Variants in IKZF1 observed in about 807,000 individuals in gnomAD.
IKZF1 encodes DNA-binding protein Ikaros.
Under a neutral mutation model 51.7 loss-of-function variants are expected in IKZF1, and 10 were observed. That is an observed-to-expected ratio of 0.19 (90% CI 0.12 to 0.33). The LOEUF is 0.33. Ranked by LOEUF, IKZF1 falls within the 10% of genes least tolerant of loss-of-function variation. IKZF1 has a pLI of 1.00. For missense variants in IKZF1, 484 were observed against 707.5 expected (o/e 0.68, Z 3.58); for synonymous variants, 280 against 282.3 (o/e 0.99, Z 0.08).
intron 1 of IKZF1, among the ~76,000 whole-genome samples, chr7:50,306,408 G>A (rs1415601122): frequency 6.6e-6 from 1 of 152,154 alleles, no homozygotes; most frequent in Non-Finnish European, 1.5e-5. Flanking sequence ...GTTTCACGGT[G>A]AGAGTTGAAG....
At chr7:50,365,679 T>G (rs1431115310) in intron 3 of IKZF1, among the ~76,000 whole-genome samples, 1 of 152,186 alleles carries the variant, frequency 6.6e-6, no homozygotes, top group Non-Finnish European at 1.5e-5. Context: ...TTATACACTG[T>G]TGAGGGGATT....
intron 6 of IKZF1, among the ~76,000 whole-genome samples, chr7:50,388,881 T>C (rs1562887207): frequency 6.6e-6 from 1 of 152,242 alleles, no homozygotes; most frequent in Non-Finnish European, 1.5e-5. Context: ...TAATGCTTAA[T>C]AAACCATTTT....
intron 7 of IKZF1, among the ~76,000 whole-genome samples, chr7:50,393,394 A>C (rs989090376): frequency 6.6e-6 from 1 of 152,158 alleles, no homozygotes; most frequent in Non-Finnish European, 1.5e-5. Context: ...GGTGAGGCCA[A>C]GGGTCCCAGA....
At chr7:50,363,475 C>T (rs1162291907) in intron 3 of IKZF1, among the ~76,000 whole-genome samples, 1 of 152,060 alleles carries the variant, frequency 6.6e-6, no homozygotes, top group African/African-American at 2.4e-5. Flanking sequence ...AAACGAGCCA[C>T]TGAGGAGTTA....
chr7:50,352,283 GTAT>G (rs1225210737), intron 3 of IKZF1, among the ~76,000 whole-genome samples: 1 of 152,182 alleles, frequency 6.6e-6, no homozygotes, highest in African/African-American at 2.4e-5. Context: ...TGCTTGGATA[GTAT>G]TATCTGTCTC....
chr7:50,393,858 G>C, intron 7 of IKZF1: 1 of 233,054 alleles, frequency 4.3e-6, no homozygotes, highest in Non-Finnish European at 8.5e-6. Flanking sequence ...TGTGCAAGGG[G>C]AGTGAAGGGT....
chr7:50,393,205 G>A (rs961046090), intron 7 of IKZF1, among the ~76,000 whole-genome samples: 2 of 152,210 alleles, frequency 1.3e-5, no homozygotes, highest in Admixed American at 6.5e-5. Context: ...CAGGGATTAG[G>A]TGAGGGAAAC....
intron 4 of IKZF1, 36 bp from the exon 5 acceptor site, chr7:50,382,504 G>A: frequency 1.3e-6 from 2 of 1,596,254 alleles, no homozygotes; most frequent in South Asian, 2.2e-5. Context: ...CCCACGCTGA[G>A]TTTAGTTCTC....
chr7:50,320,672 T>C (rs1316308053), intron 2 of IKZF1, among the ~76,000 whole-genome samples: 1 of 152,206 alleles, frequency 6.6e-6, no homozygotes, highest in Non-Finnish European at 1.5e-5. Context: ...CACATGTGAG[T>C]GAGAACATGT....
chr7:50,389,819 G>T (rs943248677), intron 6 of IKZF1, among the ~76,000 whole-genome samples: 1 of 152,112 alleles, frequency 6.6e-6, no homozygotes, highest in South Asian at 2.1e-4. Flanking sequence ...GTACCCGGAT[G>T]AGTGGAAACT....
At chr7:50,375,346 C>G (rs933165480) in intron 3 of IKZF1, among the ~76,000 whole-genome samples, 3 of 152,134 alleles carry the variant, frequency 2.0e-5, no homozygotes, top group Non-Finnish European at 4.4e-5. Context: ...ATCACTTGAG[C>G]CCGGGAGACA....
chr7:50,357,042 C>G (rs979499650), intron 3 of IKZF1, among the ~76,000 whole-genome samples: 4 of 151,988 alleles, frequency 2.6e-5, no homozygotes, highest in Non-Finnish European at 5.9e-5. Context: ...CACCGGGCTT[C>G]GGAGGGCCAT....
At position 50,340,199 on chromosome 7, in the gene IKZF1, C is replaced by G. The variant is rs1050503978; in HGVS notation, c.160+12442C>G. On this transcript the variant is annotated intron_variant, in intron 3 of 7. Coordinates refer to ENST00000331340, the MANE Select transcript of IKZF1 (RefSeq NM_006060.6). ...ATTGTATTTTTGTGCTTTGAAGCAC[C>G]TGACACTTGCTGTAACTCCATTAAC... Among the ~76,000 whole-genome samples, 257 of 152,342 alleles carry G rather than the reference C, an allele frequency of 1.7e-3. 2 individuals are homozygous for G. Among genetic ancestry groups the G allele is most frequent in the African/African-American group, 6.1e-3 (252 of 41,576 alleles).
At chr7:50,369,834 A>G (rs1411049499) in intron 3 of IKZF1, 1 of 362,608 alleles carries the variant, frequency 2.8e-6, no homozygotes, top group Admixed American at 4.6e-5. Context: ...CATTCCATTT[A>G]AAGGCCTTAA....
chr7:50,357,354 C>A (rs1803757439), intron 3 of IKZF1, among the ~76,000 whole-genome samples: 1 of 150,222 alleles, frequency 6.7e-6, no homozygotes, highest in Non-Finnish European at 1.5e-5. Flanking sequence ...CACCACCCCC[C>A]CACCGCCAAG....
Position 50,401,141 on chromosome 7 carries a change from G to T in IKZF1, c.*514G>T. ...CACCCAAGTGCCAAGACACAGCAGG[G>T]CCAACAACCTGTGCCCAGGCCAGCT... On this transcript the variant is annotated 3_prime_UTR_variant, in exon 8 of 8. Coordinates refer to ENST00000331340, the MANE Select transcript of IKZF1 (RefSeq NM_006060.6). 4.0e-6 allele frequency: 1 copy of T among 247,096 alleles called. No homozygotes were observed. Among genetic ancestry groups the T allele is most frequent in the South Asian group, 1.5e-4 (1 of 6,748 alleles). The allele number at this position is 247,096 out of a possible 1,614,324, so 15.3% of individuals were successfully genotyped here. A position where few individuals can be genotyped will look rare whatever the true frequency, so the allele number is the denominator to read the frequency against.
intron 3 of IKZF1, among the ~76,000 whole-genome samples, chr7:50,341,815 G>A (rs1017834371): frequency 4.6e-5 from 7 of 151,826 alleles, no homozygotes; most frequent in East Asian, 1.9e-4. Context: ...TGAACTATGT[G>A]TTTGAAACCC....
rs2089804525 is a variant in IKZF1 at position 50,404,940 on chromosome 7, T to C, written c.*4313T>C. On this transcript the variant is annotated 3_prime_UTR_variant, in exon 8 of 8. Transcript: ENST00000331340. ...CCGAGGAGTGGGGTAAATTTAAAAG[T>C]CAAGTTATAGTTTGGATGTTAGTAT... The C allele has an allele frequency of 9.4e-6, 2 of 212,244 alleles. No individual in the cohort carries two copies. The highest frequency in any genetic ancestry group is 1.9e-5 in the Non-Finnish European group (2 of 104,936). 13.1% of individuals were successfully genotyped at this position (212,244 alleles called of 1,614,324 possible). A position where few individuals can be genotyped will look rare whatever the true frequency, so the allele number is the denominator to read the frequency against.
chr7:50,353,219 G>T (rs1264777830), intron 3 of IKZF1, among the ~76,000 whole-genome samples: 1 of 152,254 alleles, frequency 6.6e-6, no homozygotes, highest in African/African-American at 2.4e-5. Flanking sequence ...ACATTCAGCA[G>T]AATTTGCAGC....
Sources: gnomAD v4.1 joint callset for allele counts (sites outside exome capture counted in the v4.1 genomes callset) on GRCh38, gnomAD v4.1.1 for gene constraint, MANE v1.5 for transcripts, NCBI Gene and HGNC (gene_info 2026-07-23, HGNC 2026-07-21) for gene names.